Variants in LCLAT1 observed in about 807,000 individuals in gnomAD.
LCLAT1 encodes lysocardiolipin acyltransferase 1, also known as 1-AGP acyltransferase 8.
Under a neutral mutation model 30.7 loss-of-function variants are expected in LCLAT1, and 11 were observed. The ratio of observed to expected loss-of-function variants is 0.36; its 90% CI spans 0.23 to 0.59. The LOEUF is 0.59. Ranked by LOEUF, LCLAT1 falls within the 20% of genes least tolerant of loss-of-function variation. LCLAT1 has a pLI of 0.77. For synonymous variants in LCLAT1, 155 were observed against 151.3 expected (o/e 1.02, Z -0.18); for missense variants, 402 against 458.6 (o/e 0.88, Z 1.13).
intron 5 of LCLAT1, among the ~76,000 whole-genome samples, chr2:30,595,677 A>T (rs781418574): frequency 3.9e-5 from 6 of 152,156 alleles, no homozygotes; most frequent in Non-Finnish European, 7.3e-5. Flanking sequence ...TGTGCAGGGT[A>T]TGCAGGTTTG....
intron 1 of LCLAT1, among the ~76,000 whole-genome samples, chr2:30,452,725 A>G (rs143446971): frequency 2.9e-4 from 44 of 152,258 alleles, no homozygotes; most frequent in Middle Eastern, 3.4e-3. Context: ...ACTAATTGCT[A>G]TTGGCTAATG....
intron 5 of LCLAT1, among the ~76,000 whole-genome samples, chr2:30,611,654 A>C (rs1020368559): frequency 7.2e-5 from 11 of 152,150 alleles, no homozygotes; most frequent in African/African-American, 2.7e-4. Context: ...CAGGACTGGA[A>C]GCTGAGGGAT....
At chr2:30,577,821 C>T (rs765071888) in intron 5 of LCLAT1, among the ~76,000 whole-genome samples, 80 of 151,968 alleles carry the variant, frequency 5.3e-4, no homozygotes, top group Non-Finnish European at 5.9e-4. Flanking sequence ...TGTCTTTGAC[C>T]ATGGCCATTA....
chr2:30,476,861 T>C (rs1050877280), intron 1 of LCLAT1, among the ~76,000 whole-genome samples: 2 of 152,204 alleles, frequency 1.3e-5, no homozygotes, highest in African/African-American at 4.8e-5. Context: ...TTGTCTGTAT[T>C]AAGCTAGCTC....
At chr2:30,534,595 C>G (rs1198678285) in intron 3 of LCLAT1, among the ~76,000 whole-genome samples, 1 of 152,046 alleles carries the variant, frequency 6.6e-6, no homozygotes, top group South Asian at 2.1e-4. Context: ...GTTTTAATTG[C>G]CTTTGTACTT....
intron 1 of LCLAT1, among the ~76,000 whole-genome samples, chr2:30,524,327 A>G (rs1275674470): frequency 2.0e-5 from 3 of 152,232 alleles, no homozygotes; most frequent in African/African-American, 4.8e-5. Context: ...TTAAAGACCA[A>G]GTACCCAAGA....
chr2:30,604,315 A>T (rs994939035), intron 5 of LCLAT1, among the ~76,000 whole-genome samples: 1 of 150,458 alleles, frequency 6.6e-6, no homozygotes, highest in Non-Finnish European at 1.5e-5. Flanking sequence ...AGAAAAGACG[A>T]CTAAGAGAAG....
Position 30,448,113 on chromosome 2 carries a change from T to A in LCLAT1, c.-5+730T>A, listed in dbSNP as rs553556389. 7.2e-5 allele frequency among the ~76,000 whole-genome samples: 11 copies of A among 152,380 alleles called. No individual in the cohort carries two copies. In the East Asian group the frequency reaches 7.7e-4, roughly 11 times the overall value. On this transcript the variant is annotated intron_variant, in intron 1 of 5. Transcript: ENST00000379509. ...CTGGTTCAGGTGGCTTCCCTGGAAA[T>A]ACTGCATCTGCCTTTAAAGTTCATT...
intron 3 of LCLAT1, among the ~76,000 whole-genome samples, chr2:30,561,045 G>T (rs959622922): frequency 1.3e-5 from 2 of 151,926 alleles, no homozygotes; most frequent in Non-Finnish European, 2.9e-5. Flanking sequence ...GGGTTCAAGC[G>T]ATTCTCCTGC....
At chr2:30,583,403 TC>T (rs2148468606) in intron 5 of LCLAT1, among the ~76,000 whole-genome samples, 1 of 152,344 alleles carries the variant, frequency 6.6e-6, no homozygotes, top group East Asian at 1.9e-4. Flanking sequence ...AGCAGTGTTG[TC>T]CTCTGGCTGC....
At position 30,625,168 on chromosome 2, in the gene LCLAT1, G is replaced by A. The variant is rs572557665; in HGVS notation, c.629-14949G>A. 4.1e-4 allele frequency among the ~76,000 whole-genome samples: 63 copies of A among 152,106 alleles called. 1 individual carries two copies. Among genetic ancestry groups the A allele is most frequent in the African/African-American group, 1.4e-3 (59 of 41,516 alleles). Reference sequence around the variant, plus strand: ...TCTGAAAGAGCACAGACAATCTAAGGTCACACCTCAAAGAACTAGAGAAAC... The same window carrying A: ...TCTGAAAGAGCACAGACAATCTAAGATCACACCTCAAAGAACTAGAGAAAC... On this transcript the variant is annotated intron_variant, in intron 5 of 5. Transcript: ENST00000379509.
At chr2:30,521,243 C>G (rs1161418508) in intron 1 of LCLAT1, among the ~76,000 whole-genome samples, 1 of 152,184 alleles carries the variant, frequency 6.6e-6, no homozygotes, top group Non-Finnish European at 1.5e-5. Context: ...TTTAGCATAT[C>G]ATCAAGAAAT....
intron 1 of LCLAT1, among the ~76,000 whole-genome samples, chr2:30,523,739 G>A (rs1453803020): frequency 3.9e-5 from 6 of 152,184 alleles, no homozygotes; most frequent in Non-Finnish European, 7.3e-5. Flanking sequence ...GTGGTGGCGC[G>A]TGTCTGTAAT....
At chr2:30,519,952 C>T (rs754125038) in intron 1 of LCLAT1, among the ~76,000 whole-genome samples, 1 of 152,174 alleles carries the variant, frequency 6.6e-6, no homozygotes, top group Non-Finnish European at 1.5e-5. Flanking sequence ...GCACCGTGTC[C>T]GCTGCGCTTC....
intron 5 of LCLAT1, among the ~76,000 whole-genome samples, chr2:30,634,003 G>A (rs1329563726): frequency 6.6e-6 from 1 of 152,192 alleles, no homozygotes. Context: ...TCAGCTTGAT[G>A]TGCTCAGAGA....
chr2:30,533,004 A>G (rs1572582101), intron 2 of LCLAT1, 112 bp from the exon 3 acceptor site: 2 of 759,220 alleles, frequency 2.6e-6, no homozygotes, highest in Non-Finnish European at 4.4e-6. Context: ...GATCATGGGA[A>G]ATACTAACTT....
intron 4 of LCLAT1, among the ~76,000 whole-genome samples, chr2:30,562,611 G>T (rs1441224710): frequency 1.3e-5 from 2 of 152,152 alleles, no homozygotes; most frequent in African/African-American, 4.8e-5. Context: ...CTAGCCCATT[G>T]AATTTATAGT....
At chr2:30,622,342 A>G (rs1197138843) in intron 5 of LCLAT1, among the ~76,000 whole-genome samples, 1 of 152,160 alleles carries the variant, frequency 6.6e-6, no homozygotes, top group African/African-American at 2.4e-5. Context: ...GCTGAAGACA[A>G]AGGACATAAA....
chr2:30,606,069 A>G (rs1381892204), intron 5 of LCLAT1: 2 of 1,276,796 alleles, frequency 1.6e-6, no homozygotes, highest in East Asian at 1.2e-4. Flanking sequence ...ACTACAAATC[A>G]CTGCTCAAGG....
Sources: gnomAD v4.1 joint callset for allele counts (sites outside exome capture counted in the v4.1 genomes callset) on GRCh38, gnomAD v4.1.1 for gene constraint, MANE v1.5 for transcripts, NCBI Gene and HGNC (gene_info 2026-07-23, HGNC 2026-07-21) for gene names.